The following NKAIN3 variants were observed in gnomAD, a reference collection of about 807,000 sequenced individuals.
NKAIN3 encodes the protein sodium/potassium-transporting ATPase subunit beta-1-interacting protein 3.
A neutral mutation model predicts 30.2 loss-of-function variants in NKAIN3; 25 were observed. The ratio of observed to expected loss-of-function variants is 0.83; its 90% CI spans 0.60 to 1.16. The LOEUF is 1.16. Among genes scored for constraint, NKAIN3 ranks in the 50% most tolerant of loss-of-function variants. The pLI is 0.00. For missense variants in NKAIN3, 225 were observed against 254.1 expected (o/e 0.89, Z 0.78); for synonymous variants, 91 against 89.6 (o/e 1.02, Z -0.09).
chr8:62,682,661 A>T (rs1813678095), intron 3 of NKAIN3, among the ~76,000 whole-genome samples: 1 of 152,086 alleles, frequency 6.6e-6, no homozygotes, highest in Admixed American at 6.5e-5. Context: ...TGGGAGTGAG[A>T]CTGGCCTTTT....
chr8:62,722,260 T>C (rs1402280530), intron 3 of NKAIN3, among the ~76,000 whole-genome samples: 1 of 152,192 alleles, frequency 6.6e-6, no homozygotes, highest in African/African-American at 2.4e-5. Context: ...TTTAAGGAAA[T>C]TCAAGTTGTT....
intron 4 of NKAIN3, among the ~76,000 whole-genome samples, chr8:62,872,040 A>T (rs1217008743): frequency 6.6e-6 from 1 of 152,350 alleles, no homozygotes; most frequent in East Asian, 1.9e-4. Flanking sequence ...CTATGTTTAG[A>T]TAAGTTTTGA....
chr8:62,667,756 A>G (rs1020161136), intron 3 of NKAIN3, among the ~76,000 whole-genome samples: 2 of 152,082 alleles, frequency 1.3e-5, no homozygotes, highest in Non-Finnish European at 2.9e-5. Context: ...CTTTCCTTCA[A>G]GTTTAGCATG....
chr8:62,284,914 G>T (rs554040134), intron 1 of NKAIN3, among the ~76,000 whole-genome samples: 97 of 151,820 alleles, frequency 6.4e-4, no homozygotes, highest in Non-Finnish European at 1.2e-3. Flanking sequence ...ACATGCACCT[G>T]TGAGTAAGTT....
chr8:62,877,692 G>C (rs1019248221), intron 4 of NKAIN3, among the ~76,000 whole-genome samples: 3 of 152,066 alleles, frequency 2.0e-5, no homozygotes, highest in Non-Finnish European at 4.4e-5. Flanking sequence ...TTTCCTAATG[G>C]ATAAATGGAC....
intron 5 of NKAIN3, among the ~76,000 whole-genome samples, chr8:62,927,053 T>A (rs948818907): frequency 3.3e-5 from 5 of 152,198 alleles, no homozygotes; most frequent in Non-Finnish European, 7.3e-5. Context: ...TGACTCCAAC[T>A]GGCATGAATT....
chr8:62,535,548 A>G (rs1808632140), intron 1 of NKAIN3, among the ~76,000 whole-genome samples: 2 of 152,184 alleles, frequency 1.3e-5, no homozygotes, highest in South Asian at 4.1e-4. Flanking sequence ...CTTTAGGCTC[A>G]TCAATTTTCT....
intron 3 of NKAIN3, among the ~76,000 whole-genome samples, chr8:62,645,810 T>A (rs1812442570): frequency 6.6e-6 from 1 of 152,158 alleles, no homozygotes; most frequent in East Asian, 1.9e-4. Flanking sequence ...TCATCTGAGA[T>A]TCAAACTTTC....
intron 1 of NKAIN3, among the ~76,000 whole-genome samples, chr8:62,252,964 T>G (rs574767606): frequency 6.6e-6 from 1 of 152,314 alleles, no homozygotes; most frequent in South Asian, 2.1e-4. Flanking sequence ...GTAGCCTCAG[T>G]GAAGCACTGA....
chr8:62,420,864 C>A (rs892748958), intron 1 of NKAIN3, among the ~76,000 whole-genome samples: 4 of 152,018 alleles, frequency 2.6e-5, no homozygotes, highest in Non-Finnish European at 4.4e-5. Context: ...CAAAATTTTG[C>A]TAAAATATGG....
At chr8:62,548,912 A>C (rs900036471) in intron 1 of NKAIN3, among the ~76,000 whole-genome samples, 3 of 151,976 alleles carry the variant, frequency 2.0e-5, no homozygotes, top group African/African-American at 7.2e-5. Flanking sequence ...TTCCTTTTTC[A>C]TATTACAGTT....
intron 4 of NKAIN3, among the ~76,000 whole-genome samples, chr8:62,801,508 G>A (rs1413266984): frequency 6.6e-6 from 1 of 152,214 alleles, no homozygotes; most frequent in Non-Finnish European, 1.5e-5. Flanking sequence ...CAGGCAAACA[G>A]GGTCTGGAGT....
At chr8:62,350,020 G>A (rs1245541515) in intron 1 of NKAIN3, among the ~76,000 whole-genome samples, 2 of 152,190 alleles carry the variant, frequency 1.3e-5, no homozygotes, top group African/African-American at 4.8e-5. Flanking sequence ...GTGCATAGCT[G>A]ATGGGAATGT....
chr8:62,264,714 A>C (rs965206020), intron 1 of NKAIN3, among the ~76,000 whole-genome samples: 5 of 152,180 alleles, frequency 3.3e-5, no homozygotes, highest in African/African-American at 1.2e-4. Flanking sequence ...AGAGGCTTCT[A>C]TTCCAATTTT....
chr8:62,279,750 A>G (rs941109706), intron 1 of NKAIN3, among the ~76,000 whole-genome samples: 1 of 152,214 alleles, frequency 6.6e-6, no homozygotes, highest in African/African-American at 2.4e-5. Context: ...TTTTGGTACC[A>G]GTACCATGCT....
At chr8:62,537,500 G>GT (rs974458690) in intron 1 of NKAIN3, among the ~76,000 whole-genome samples, 20 of 152,068 alleles carry the variant, frequency 1.3e-4, no homozygotes, top group South Asian at 2.1e-4. Flanking sequence ...TAAAGGTTTC[G>GT]TAAGTGATGT....
intron 3 of NKAIN3, among the ~76,000 whole-genome samples, chr8:62,696,303 A>T (rs1224682016): frequency 1.3e-5 from 2 of 152,230 alleles, no homozygotes; most frequent in Non-Finnish European, 2.9e-5. Flanking sequence ...CTGGATTAAA[A>T]GATTTTGGTG....
chr8:62,798,323 G>A lies in NKAIN3; in HGVS notation c.471+51194G>A, dbSNP rs557898202. ...GTGGTGGCTCATGCCTGTAATCCCA[G>A]CACTTTGGGAGGCTGAGGTGGGCGG... On this transcript the variant is annotated intron_variant, in intron 4 of 6. Coordinates refer to ENST00000623646, the MANE Select transcript of NKAIN3 (RefSeq NM_001304533.3). Among the ~76,000 whole-genome samples, 6 of 152,284 alleles carry A rather than the reference G, an allele frequency of 3.9e-5. No homozygotes were observed. The South Asian group carries it at 1.2e-3, about 32-fold the overall frequency.
chr8:62,456,467 C>T lies in NKAIN3; in HGVS notation c.55-123072C>T, dbSNP rs549904002. ...CTGTGAGGCAGAGCTTGTAGTGAGC[C>T]GAGATGGCGCCACTGCACTCCAGCT... On this transcript the variant is annotated intron_variant, in intron 1 of 6. Transcript: ENST00000623646. 2.1e-4 allele frequency among the ~76,000 whole-genome samples: 32 copies of T among 151,676 alleles called. No individual in the cohort carries two copies. In the South Asian group the frequency reaches 5.8e-3, roughly 28 times the overall value.
Sources: allele counts gnomAD v4.1 joint callset (sites outside exome capture counted in the v4.1 genomes callset), GRCh38; gene constraint gnomAD v4.1.1; transcripts MANE v1.5; gene names NCBI Gene and HGNC (gene_info 2026-07-23, HGNC 2026-07-21).